The following ATG7 variants were observed in gnomAD, a reference collection of about 807,000 sequenced individuals.
ATG7 encodes ubiquitin-like modifier-activating enzyme ATG7.
A neutral mutation model predicts 82.4 loss-of-function variants in ATG7; 70 were observed. That is an observed-to-expected ratio of 0.85 (90% CI 0.70 to 1.04). The LOEUF is 1.04. ATG7 is among the 50% of genes least tolerant of loss of function. The pLI is 0.00. For synonymous variants in ATG7, 287 were observed against 313.0 expected (o/e 0.92, Z 0.88); for missense variants, 792 against 864.3 (o/e 0.92, Z 1.05).
Position 11,340,731 on chromosome 3 carries a change from A to C in ATG7, c.976A>C (p.Lys326Gln), listed in dbSNP as rs144415880. The change falls in exon 12 of 21, where the codon AAA (lysine) becomes CAA (glutamine). Residue 326 changes from lysine to glutamine, a missense_variant. Lys to Gln is a moderately conservative substitution (Grantham distance 53). Coordinates refer to ENST00000693202, the MANE Select transcript of ATG7 (RefSeq NM_001349232.2). The stretch of plus-strand genomic sequence containing the variant: ...GAACCTCAGTGAATGTATGGACCCT[A>C]AAAGGTATATTTGGGAAGCTGTTTT... ...MVNLSECMDP[K>Q]RLAESSVDLN... 1,157 of 1,612,870 alleles carry C rather than the reference A, an allele frequency of 7.2e-4. 9 individuals carry two copies. The African/African-American group carries it at 0.012, about 17-fold the overall frequency.
At chr3:11,288,271 TA>T (rs1165453472) in intron 3 of ATG7, among the ~76,000 whole-genome samples, 1 of 152,262 alleles carries the variant, frequency 6.6e-6, no homozygotes, top group Non-Finnish European at 1.5e-5. Context: ...TAGTAATTTT[TA>T]AACTGCTGAA....
At chr3:11,567,516 G>A in the ATG7 span, among the ~76,000 whole-genome samples, 1 of 152,132 alleles carries the variant, frequency 6.6e-6, no homozygotes, top group African/African-American at 2.4e-5. Context: ...TTCCATCCAC[G>A]CCACACACAT....
At chr3:11,562,678 C>T in the ATG7 span, among the ~76,000 whole-genome samples, 5 of 152,208 alleles carry the variant, frequency 3.3e-5, no homozygotes, top group Non-Finnish European at 7.3e-5. Context: ...AGGAGCCCCA[C>T]GAATGGTTAC....
At chr3:11,558,621 C>T (rs1437223616), downstream of ATG7, 1 of 1,608,426 alleles carries the variant, frequency 6.2e-7, no homozygotes. Context: ...GCGGGCTGGC[C>T]CCTGCGAGAG....
Position 11,358,701 on chromosome 3 carries a change from G to A in ATG7, c.1479+89G>A, listed in dbSNP as rs547426690. 6.7e-5 allele frequency: 95 copies of A among 1,410,448 alleles called. No homozygotes were observed. The African/African-American group carries it at 1.2e-3, about 18-fold the overall frequency. 87.4% of individuals were successfully genotyped at this position (1,410,448 alleles called of 1,614,324 possible). A position where few individuals can be genotyped will look rare whatever the true frequency, so the allele number is the denominator to read the frequency against. ...CCCTAACCTTCCCTTCCCCAGGGCA[G>A]AGATGTGGTTTGTGTGACCTGGTAG... On this transcript the variant is annotated intron_variant, in intron 15 of 20. Transcript: ENST00000693202.
At chr3:11,501,312 G>A (rs1248572169) in intron 20 of ATG7, among the ~76,000 whole-genome samples, 3 of 152,162 alleles carry the variant, frequency 2.0e-5, no homozygotes, top group African/African-American at 7.2e-5. Context: ...AGAGGAACAA[G>A]AAAATTAACC....
chr3:11,532,141 G>A (rs9860504), intron 20 of ATG7, among the ~76,000 whole-genome samples: 1 of 152,048 alleles, frequency 6.6e-6, no homozygotes, highest in Admixed American at 6.6e-5. Context: ...TGCCCCCAAG[G>A]TTCCTAAGAG....
At chr3:11,376,886 C>T (rs1484628837) in intron 18 of ATG7, among the ~76,000 whole-genome samples, 3 of 152,214 alleles carry the variant, frequency 2.0e-5, no homozygotes, top group East Asian at 1.9e-4. Context: ...CTACAGGTGC[C>T]GACTACCACG....
At chr3:11,554,145 C>T (rs886461107) in intron 20 of ATG7, among the ~76,000 whole-genome samples, 13 of 152,350 alleles carry the variant, frequency 8.5e-5, no homozygotes, top group African/African-American at 2.9e-4. Context: ...GTTCTCCTCA[C>T]AGCCACGTTG....
chr3:11,487,480 C>T (rs2089830608), intron 20 of ATG7, among the ~76,000 whole-genome samples: 1 of 70,730 alleles, frequency 1.4e-5, no homozygotes, highest in East Asian at 3.9e-4. Flanking sequence ...CCCCAACCTC[C>T]CTCCCGGACA....
At position 11,348,000 on chromosome 3, in the gene ATG7, G is replaced by A. The variant is rs760355941; in HGVS notation, c.1249G>A (p.Ala417Thr). Residue 417 changes from alanine (A) to threonine (T), a missense_variant, in exon 14 of 21, where the codon GCA becomes ACA. Physicochemically the swap from Ala to Thr is moderately conservative, Grantham distance 58. Transcript: ENST00000693202. Reference sequence around the variant, plus strand: ...GGGTGGTAAGCCCAAGGCTCTGGCAGCAGCGGACCGGCTCCAGAAAATATT... The same window carrying A: ...GGGTGGTAAGCCCAAGGCTCTGGCAACAGCGGACCGGCTCCAGAAAATATT... ...LGGGKPKALAAADRLQKIFPG... is the reference protein window; with the variant it reads ...LGGGKPKALATADRLQKIFPG... 7 of 1,613,866 alleles carry A rather than the reference G, an allele frequency of 4.3e-6. No individual in the cohort carries two copies. In the East Asian group the frequency reaches 1.6e-4, roughly 36 times the overall value.
chr3:11,416,132 T>TA (rs1175923661), intron 19 of ATG7, among the ~76,000 whole-genome samples: 1 of 152,246 alleles, frequency 6.6e-6, no homozygotes. Flanking sequence ...TTAAGATTCT[T>TA]ACATCTATGT....
intron 14 of ATG7, among the ~76,000 whole-genome samples, chr3:11,356,766 A>G (rs1464673106): frequency 6.6e-6 from 1 of 152,160 alleles, no homozygotes; most frequent in African/African-American, 2.4e-5. Context: ...ATTGCTTATT[A>G]CGGCATTTGG....
intron 20 of ATG7, among the ~76,000 whole-genome samples, chr3:11,443,225 G>A (rs1297556592): frequency 6.6e-6 from 1 of 152,138 alleles, no homozygotes; most frequent in Non-Finnish European, 1.5e-5. Flanking sequence ...GTTCAGCAAT[G>A]CCTGTCTACT....
chr3:11,443,504 A>T (rs1028135092), intron 20 of ATG7, among the ~76,000 whole-genome samples: 2 of 152,050 alleles, frequency 1.3e-5, no homozygotes, highest in African/African-American at 2.4e-5. Context: ...TCCCAACCTC[A>T]TCCTCCTGAG....
intron 10 of ATG7, 73 bp downstream of exon 10, chr3:11,331,501 A>G: frequency 2.4e-6 from 3 of 1,228,786 alleles, no homozygotes; most frequent in Non-Finnish European, 3.6e-6. Flanking sequence ...GTCTGTTTCT[A>G]TTTGTATCTC....
chr3:11,358,428 G>T lies in ATG7; in HGVS notation c.1295G>T (p.Gly432Val), dbSNP rs1383275525. The T allele has an allele frequency of 1.9e-6, 3 of 1,612,682 alleles. No individual in the cohort carries two copies. The highest frequency in any genetic ancestry group is 2.5e-6 in the Non-Finnish European group (3 of 1,179,480). Residue 432 changes from glycine (G) to valine (V), a missense_variant, in exon 15 of 21, where the codon GGA becomes GTA. By Grantham distance (109) the Gly-to-Val change is moderately radical (BLOSUM62 -3). Coordinates refer to ENST00000693202, the MANE Select transcript of ATG7 (RefSeq NM_001349232.2). ...CTGGTGTTTCCCTAGAATGCCAGAGGATTCAACATGAGCATACCTATGCCT... is the reference window on the plus strand; with the variant it reads ...CTGGTGTTTCCCTAGAATGCCAGAGTATTCAACATGAGCATACCTATGCCT... ...QKIFPGVNAR[G>V]FNMSIPMPGH...
rs36042370 is a variant in ATG7 at position 11,546,162 on chromosome 3, A to ATTT, written c.2080-8624_2080-8622dup. On this transcript the variant is annotated intron_variant, in intron 20 of 20. Transcript: ENST00000693202. ...AAAAGTAAAGAAATGCCAAAACTGG[A>ATTT]TTTTTTTTTTTTTTTTTTTTTTTTT... Among the ~76,000 whole-genome samples, 97 of 68,890 alleles carry ATTT rather than the reference A, an allele frequency of 1.4e-3. 6 individuals carry two copies. Among genetic ancestry groups the ATTT allele is most frequent in the African/African-American group, 3.6e-3 (62 of 17,072 alleles). 45.2% of individuals were successfully genotyped at this position (68,890 alleles called of 152,430 possible).
At chr3:11,287,867 T>C (rs141247907) in intron 3 of ATG7, among the ~76,000 whole-genome samples, 263 of 152,346 alleles carry the variant, frequency 1.7e-3, no homozygotes, top group African/African-American at 6.0e-3. Context: ...AAACAAAATA[T>C]ACTATTGGCA....
Sources: allele counts gnomAD v4.1 joint callset (sites outside exome capture counted in the v4.1 genomes callset), GRCh38; gene constraint gnomAD v4.1.1; transcripts MANE v1.5; gene names NCBI Gene and HGNC (gene_info 2026-07-23, HGNC 2026-07-21).